The following C18orf63 variants were observed in gnomAD, a reference collection of about 807,000 sequenced individuals.
C18orf63 encodes uncharacterized protein C18orf63.
C18orf63 carries 50 observed loss-of-function variants against 75.3 expected under a neutral mutation model. The ratio of observed to expected loss-of-function variants is 0.66; its 90% confidence interval spans 0.53 to 0.84. The LOEUF (loss-of-function observed/expected upper bound fraction) is 0.84, where lower values mean the gene tolerates loss of function less well. Ranked by LOEUF, C18orf63 falls within the 40% of genes least tolerant of loss-of-function variation. C18orf63 has a pLI of 0.00. For missense variants in C18orf63, 732 were observed against 800.2 expected, an observed-to-expected ratio of 0.91 and a Z score of 1.03; for synonymous variants, 232 against 267.6, an observed-to-expected ratio of 0.87 and a Z score of 1.30.
chr18:74,346,880 A>G (rs1187187312), intron 11 of C18orf63, among the ~76,000 whole-genome samples: 1 of 152,220 alleles, frequency 6.6e-6, no homozygotes, highest in East Asian at 1.9e-4. Context: ...AATAATCAAA[A>G]TTGATCTTTG....
Position 74,321,828 on chromosome 18 carries a change from T to TAA in C18orf63, c.214-858_214-857dup, listed in dbSNP as rs199946728. Reference sequence around the variant, plus strand: ...ATTGCTTTCTTACAAAGGTATTCTGTAAAAAAAAAAAAAGTTGATGTTTAA... The same window carrying TAA: ...ATTGCTTTCTTACAAAGGTATTCTGTAAAAAAAAAAAAAAAGTTGATGTTTAA... On this transcript the variant is annotated intron_variant, in intron 3 of 13. Transcript: ENST00000579455. Among the ~76,000 whole-genome samples, 1,164 of 144,190 alleles carry TAA rather than the reference T, an allele frequency of 8.1e-3. 17 individuals carry two copies. The highest frequency in any genetic ancestry group is 0.027 in the African/African-American group (1,079 of 39,836). 94.6% of individuals were successfully genotyped at this position (144,190 alleles called of 152,430 possible).
rs182856234 is a variant in C18orf63 at position 74,349,495 on chromosome 18, G to A, written c.979-3751G>A. Among the ~76,000 whole-genome samples, 511 of 152,224 alleles carry A rather than the reference G, an allele frequency of 3.4e-3. 1 individual carries two copies. The highest frequency in any genetic ancestry group is 6.8e-3 in the Middle Eastern group (2 of 294). ...AGGAGGAGGTGAGTAGCAGGAGAGCGAGCGAGCATTACCGCCTGAGCTCTG... is the reference window on the plus strand; with the variant it reads ...AGGAGGAGGTGAGTAGCAGGAGAGCAAGCGAGCATTACCGCCTGAGCTCTG... On this transcript the variant is annotated intron_variant, in intron 11 of 13. Coordinates refer to ENST00000579455, the MANE Select transcript of C18orf63 (RefSeq NM_001174123.2).
rs1010485806 is a variant in C18orf63, at chr18:74,358,435, A to G, written c.*1988A>G. On this transcript the variant is annotated 3_prime_UTR_variant, in exon 14 of 14. Transcript: ENST00000579455. Reference sequence around the variant, plus strand: ...TGATTTCATATTTCATGTTCCAAGAAGAGGTTCTAGATCAAATTTCTGTGT... The same window carrying G: ...TGATTTCATATTTCATGTTCCAAGAGGAGGTTCTAGATCAAATTTCTGTGT... 1 of 152,188 alleles carries G rather than the reference A, an allele frequency of 6.6e-6. No homozygotes were observed. The highest frequency in any genetic ancestry group is 2.4e-5 in the African/African-American group (1 of 41,436). The allele number at this position is 152,188 out of a possible 1,614,324, so 9.4% of individuals were successfully genotyped here.
In C18orf63 at chr18:74,320,577, T is replaced by C; in HGVS notation, c.199T>C (p.Trp67Arg). The C allele has an allele frequency of 2.0e-6, 3 of 1,531,774 alleles. No individual in the cohort carries two copies. The highest frequency in any genetic ancestry group is 2.6e-6 in the Non-Finnish European group (3 of 1,143,454). 94.9% of individuals were successfully genotyped at this position (1,531,774 alleles called of 1,614,324 possible). The stretch of plus-strand genomic sequence containing the variant: ...TGTGTCTGGAATATTAAACCAAATC[T>C]GGGTGGTGATGGCGGTTAGTATTTT... ...SPVSGILNQI[W>R]VVMAIPFYKA... is the part of the protein sequence containing the mutation. Residue 67 changes from tryptophan to arginine, a missense_variant, in exon 3 of 14, where the codon TGG (tryptophan) becomes CGG (arginine). Trp to Arg is a moderately radical substitution (Grantham distance 101). This residue lies in a region of C18orf63 where 233 missense variants were observed against 272.7 expected (regional missense o/e 0.85). Coordinates refer to ENST00000579455, the MANE Select transcript of C18orf63 (RefSeq NM_001174123.2).
intron 3 of C18orf63, 51 bp from the exon 4 acceptor site, chr18:74,322,647 T>TTATATA (rs148436042): frequency 1.7e-6 from 1 of 578,808 alleles, no homozygotes; most frequent in Non-Finnish European, 2.8e-6. Context: ...CATTATTTAA[T>TTATATA]TATATATATA....
chr18:74,338,651 T>A (rs1984430428), intron 7 of C18orf63, 64 bp from the exon 8 acceptor site: 1 of 644,482 alleles, frequency 1.6e-6, no homozygotes, highest in Non-Finnish European at 2.4e-6. Context: ...AATATGTATC[T>A]TTTAAAATGT....
At chr18:74,344,840 GT>G in intron 11 of C18orf63, among the ~76,000 whole-genome samples, 1 of 152,102 alleles carries the variant, frequency 6.6e-6, no homozygotes, top group South Asian at 2.1e-4. Flanking sequence ...TATTTGGATT[GT>G]TTCTCTTTGG....
chr18:74,330,972 TTATATTTACTA>T, intron 7 of C18orf63, 30 bp downstream of exon 7: 6 of 904,438 alleles, frequency 6.6e-6, no homozygotes, highest in Non-Finnish European at 9.4e-6. Context: ...CTATACTTTA[TTATATTTACTA>T]TATACTTTTT....
At chr18:74,347,591 T>A (rs939338501) in intron 11 of C18orf63, among the ~76,000 whole-genome samples, 1 of 152,206 alleles carries the variant, frequency 6.6e-6, no homozygotes, top group Non-Finnish European at 1.5e-5. Flanking sequence ...TCAGAGGGGT[T>A]TTTAGGACTA....
chr18:74,330,957 G>A lies in C18orf63; in HGVS notation c.501+15G>A. ...CAGCACCTGAGGTACCATATATTGT[G>A]ATTTCTATACTTTATTATATTTACT... On this transcript the variant is annotated intron_variant, in intron 7 of 13. Transcript: ENST00000579455. 4 of 1,190,270 alleles carry A rather than the reference G, an allele frequency of 3.4e-6. No homozygotes were observed. The highest frequency in any genetic ancestry group is 4.6e-6 in the Non-Finnish European group (4 of 874,342). The allele number at this position is 1,190,270 out of a possible 1,614,324, so 73.7% of individuals were successfully genotyped here.
chr18:74,335,690 C>A (rs1984380126), intron 7 of C18orf63, among the ~76,000 whole-genome samples: 2 of 151,956 alleles, frequency 1.3e-5, no homozygotes, highest in Admixed American at 1.3e-4. Context: ...AAACAAATTT[C>A]TATTTATTTC....
Position 74,357,004 on chromosome 18 carries a change from T to C in C18orf63, c.*557T>C, listed in dbSNP as rs1249285920. 1 of 152,198 alleles carries C rather than the reference T, an allele frequency of 6.6e-6. No individual in the cohort carries two copies. The highest frequency in any genetic ancestry group is 6.5e-5 in the Admixed American group (1 of 15,278). The allele number at this position is 152,198 out of a possible 1,614,324, so 9.4% of individuals were successfully genotyped here. A position where few individuals can be genotyped will look rare whatever the true frequency, so the allele number is the denominator to read the frequency against. ...TATTTCTAACATAAGATATAGTATA[T>C]TTTTTAAGAAAAAAAGAATGTGTAT... On this transcript the variant is annotated 3_prime_UTR_variant, in exon 14 of 14. Coordinates refer to ENST00000579455, the MANE Select transcript of C18orf63 (RefSeq NM_001174123.2).
At chr18:74,352,397 G>T (rs1984681820) in intron 11 of C18orf63, among the ~76,000 whole-genome samples, 2 of 152,102 alleles carry the variant, frequency 1.3e-5, no homozygotes, top group South Asian at 4.1e-4. Context: ...GGTTAAAATG[G>T]TAAATTTTAT....
Position 74,322,741 on chromosome 18 carries a change from A to C in C18orf63, c.257A>C (p.Lys86Thr). ...KARKLNAYVEKYGAKMEAPQR... is the reference protein window; with the variant it reads ...KARKLNAYVETYGAKMEAPQR... The stretch of plus-strand genomic sequence containing the variant: ...AGAAAACTTAATGCCTATGTTGAAA[A>C]ATATGGAGCTAAGGTAAGTGTTAAA... Residue 86 changes from lysine (K) to threonine (T), a missense_variant, in exon 4 of 14, where the codon AAA becomes ACA. Lys to Thr is a moderately conservative substitution (Grantham distance 78). Coordinates refer to ENST00000579455, the MANE Select transcript of C18orf63 (RefSeq NM_001174123.2). The C allele has an allele frequency of 7.5e-7, 1 of 1,340,128 alleles. No homozygotes were observed. The highest frequency in any genetic ancestry group is 1.0e-6 in the Non-Finnish European group (1 of 988,452). 83.0% of individuals were successfully genotyped at this position (1,340,128 alleles called of 1,614,324 possible).
chr18:74,317,127 G>A (rs1313347647), intron 1 of C18orf63, among the ~76,000 whole-genome samples: 1 of 152,226 alleles, frequency 6.6e-6, no homozygotes, highest in Non-Finnish European at 1.5e-5. Context: ...GAAAAAGCAT[G>A]TTGATGTTGA....
intron 11 of C18orf63, among the ~76,000 whole-genome samples, chr18:74,350,679 C>T (rs1375373170): frequency 2.0e-5 from 3 of 152,160 alleles, no homozygotes; most frequent in Non-Finnish European, 1.5e-5. Context: ...CTTTTTCACT[C>T]AGCTGAGCAA....
In C18orf63 at chr18:74,356,704, G is replaced by A. The variant is rs562318238; in HGVS notation, c.*257G>A. 4 of 108,574 alleles carry A rather than the reference G, an allele frequency of 3.7e-5. No individual in the cohort carries two copies. The South Asian group carries it at 1.1e-3, about 31-fold the overall frequency. 6.7% of individuals were successfully genotyped at this position (108,574 alleles called of 1,614,324 possible). A position where few individuals can be genotyped will look rare whatever the true frequency, so the allele number is the denominator to read the frequency against. ...CAACTTTTCACTATTACAACATCAT[G>A]TAGTCTGCAGATCTTTGCAAAATAT... On this transcript the variant is annotated 3_prime_UTR_variant, in exon 14 of 14. Transcript: ENST00000579455.
At chr18:74,331,161 C>T (rs1037496572) in intron 7 of C18orf63, among the ~76,000 whole-genome samples, 2 of 152,118 alleles carry the variant, frequency 1.3e-5, no homozygotes, top group African/African-American at 4.8e-5. Flanking sequence ...CACAGGTCTT[C>T]ATATTATTCC....
chr18:74,352,157 A>G (rs748717628), intron 11 of C18orf63, among the ~76,000 whole-genome samples: 4 of 152,210 alleles, frequency 2.6e-5, no homozygotes, highest in Non-Finnish European at 5.9e-5. Flanking sequence ...AAAGACAAAT[A>G]TTGTATGATT....
Sources: allele counts gnomAD v4.1 joint callset (sites outside exome capture counted in the v4.1 genomes callset), GRCh38; gene constraint gnomAD v4.1.1; regional missense constraint gnomAD v4.1.1; transcripts MANE v1.5; gene names NCBI Gene and HGNC (gene_info 2026-07-23, HGNC 2026-07-21).